Variants in TENM4 observed in about 807,000 individuals in gnomAD.
TENM4 encodes teneurin transmembrane protein 4.
Under a neutral mutation model 243.3 loss-of-function variants are expected in TENM4, and 82 were observed. That is an observed-to-expected ratio of 0.34 (90% confidence interval 0.28 to 0.40). TENM4 has a LOEUF of 0.40. Among genes scored for constraint, TENM4 ranks in the 10% least tolerant of loss-of-function variants. The probability of loss-of-function intolerance (pLI) is 1.00; values close to 1 mark genes in which losing one functional copy is unlikely to be tolerated. For missense variants in TENM4, 3,138 were observed against 3,673.3 expected (o/e 0.85, Z 3.77); for synonymous variants, 1,412 against 1,456.3 (o/e 0.97, Z 0.69).
intron 1 of TENM4, among the ~76,000 whole-genome samples, chr11:79,403,081 T>C (rs1303600322): frequency 6.6e-6 from 1 of 152,234 alleles, no homozygotes; most frequent in Admixed American, 6.5e-5. Context: ...GCAATCTATC[T>C]GCATTCACGA....
At chr11:79,091,839 C>G (rs1860961787) in intron 4 of TENM4, among the ~76,000 whole-genome samples, 1 of 152,206 alleles carries the variant, frequency 6.6e-6, no homozygotes, top group South Asian at 2.1e-4. Context: ...CTGTCATCTC[C>G]TGCATCCAAA....
chr11:79,080,460 G>C (rs1382489863), intron 4 of TENM4, among the ~76,000 whole-genome samples: 1 of 152,256 alleles, frequency 6.6e-6, no homozygotes, highest in East Asian at 1.9e-4. Context: ...CCTGGGCCGG[G>C]TCTGAAAAGC....
intron 2 of TENM4, among the ~76,000 whole-genome samples, chr11:79,281,854 G>A (rs1856162672): frequency 1.3e-5 from 2 of 152,186 alleles, no homozygotes; most frequent in Non-Finnish European, 2.9e-5. Context: ...GTCCTTTAAG[G>A]TCCGCCTTCT....
chr11:79,015,257 T>C (rs1310295906), intron 6 of TENM4, among the ~76,000 whole-genome samples: 2 of 152,178 alleles, frequency 1.3e-5, no homozygotes, highest in Admixed American at 1.3e-4. Flanking sequence ...AGAGCTGGGA[T>C]TGGAACCCAG....
intron 4 of TENM4, among the ~76,000 whole-genome samples, chr11:79,095,064 G>C (rs1206405296): frequency 6.6e-6 from 1 of 152,132 alleles, no homozygotes; most frequent in African/African-American, 2.4e-5. Context: ...ATCAGCCTGG[G>C]CATTTTTGGC....
chr11:79,023,595 A>T (rs112678077), intron 6 of TENM4, among the ~76,000 whole-genome samples: 1 of 151,478 alleles, frequency 6.6e-6, no homozygotes, highest in Admixed American at 6.6e-5. Flanking sequence ...GACTCTTTCT[A>T]CAACTAGTGT....
chr11:78,771,135 C>A lies in TENM4; in HGVS notation c.2396G>T (p.Gly799Val). The change falls in exon 18 of 34, where the codon GGT becomes GTT. Residue 799 changes from glycine (G) to valine (V), a missense_variant. Transcript: ENST00000278550. ...GTTGCCATTGCACAACCCAGGGCAA[C>A]CCTCTGAAAGACAAAGTACAGGGTT... is the stretch of plus-strand genomic sequence containing the variant. The part of the protein sequence containing the change: ...AHYLDRVVKE[G>V]CPGLCNGNGR... 6.4e-7 allele frequency: 1 copy of A among 1,566,780 alleles called. No individual in the cohort carries two copies. Among genetic ancestry groups the A allele is most frequent in the Non-Finnish European group, 8.7e-7 (1 of 1,155,598 alleles).
chr11:78,946,563 G>A (rs1176798820), intron 6 of TENM4, among the ~76,000 whole-genome samples: 1 of 152,118 alleles, frequency 6.6e-6, no homozygotes, highest in Non-Finnish European at 1.5e-5. Context: ...CTTTCAAATC[G>A]TATTGTTTAA....
At chr11:79,364,367 T>C (rs1590912142) in intron 1 of TENM4, among the ~76,000 whole-genome samples, 1 of 152,120 alleles carries the variant, frequency 6.6e-6, no homozygotes, top group Non-Finnish European at 1.5e-5. Flanking sequence ...CTGTAGTCTC[T>C]CTCTCCTCTT....
intron 6 of TENM4, among the ~76,000 whole-genome samples, chr11:79,027,405 T>C (rs1009386860): frequency 2.6e-5 from 4 of 152,220 alleles, no homozygotes; most frequent in Non-Finnish European, 5.9e-5. Flanking sequence ...AACTCTTCTG[T>C]GGCAGAGCCA....
In TENM4 at chr11:78,672,270, G is replaced by T. The variant is rs1282393021; in HGVS notation, c.5556C>A (p.Ile1852=). ...DFDRVTRTEK[I]YDDHRKFTLR... The stretch of plus-strand genomic sequence containing the variant: ...GGGTGAACTTGCGGTGGTCATCATA[G>T]ATCTTCTCTGTGCGTGTTACGCGAT... The change falls in exon 31 of 34, where the codon ATC becomes ATA. Residue 1852 remains isoleucine, a synonymous_variant. Transcript: ENST00000278550. 3 of 1,613,916 alleles carry T rather than the reference G, an allele frequency of 1.9e-6. No homozygotes were observed. The highest frequency in any genetic ancestry group is 1.7e-6 in the Non-Finnish European group (2 of 1,179,904).
chr11:78,710,384 G>A (rs962977706), intron 26 of TENM4, among the ~76,000 whole-genome samples: 1 of 152,152 alleles, frequency 6.6e-6, no homozygotes, highest in Non-Finnish European at 1.5e-5. Flanking sequence ...GATGCCCAGG[G>A]GCCTCTGAGT....
chr11:78,782,554 G>A (rs1174581401), intron 16 of TENM4, among the ~76,000 whole-genome samples: 1 of 152,122 alleles, frequency 6.6e-6, no homozygotes, highest in African/African-American at 2.4e-5. Flanking sequence ...CCGAGGTCGT[G>A]CCACTGCACT....
At chr11:78,926,500 C>T (rs556452083) in intron 6 of TENM4, among the ~76,000 whole-genome samples, 1 of 152,102 alleles carries the variant, frequency 6.6e-6, no homozygotes, top group African/African-American at 2.4e-5. Context: ...TTTCAAACTC[C>T]TGACCTCATG....
chr11:78,704,713 A>G (rs1162081450), intron 27 of TENM4, among the ~76,000 whole-genome samples: 1 of 152,222 alleles, frequency 6.6e-6, no homozygotes, highest in African/African-American at 2.4e-5. Context: ...AATGTTAACC[A>G]TAGTAAGATT....
intron 15 of TENM4, among the ~76,000 whole-genome samples, chr11:78,796,812 G>A (rs1857171146): frequency 6.6e-6 from 1 of 152,124 alleles, no homozygotes; most frequent in African/African-American, 2.4e-5. Flanking sequence ...CTTTGTATAT[G>A]TTGCAAATCT....
At chr11:78,726,973 G>C (rs1223006527) in intron 22 of TENM4, among the ~76,000 whole-genome samples, 1 of 152,148 alleles carries the variant, frequency 6.6e-6, no homozygotes, top group Non-Finnish European at 1.5e-5. Context: ...TTTAATATTG[G>C]AAACTTAGAT....
chr11:79,266,796 A>G (rs1416997562), intron 2 of TENM4, among the ~76,000 whole-genome samples: 2 of 152,232 alleles, frequency 1.3e-5, no homozygotes, highest in Non-Finnish European at 2.9e-5. Flanking sequence ...TGTCTAGAAG[A>G]GTAACCATAA....
intron 4 of TENM4, among the ~76,000 whole-genome samples, chr11:79,134,077 T>A (rs1048421462): frequency 6.6e-6 from 1 of 152,132 alleles, no homozygotes; most frequent in African/African-American, 2.4e-5. Flanking sequence ...GCTGAAGATA[T>A]GATTGTTTAC....
Sources: gnomAD v4.1 joint callset for allele counts (sites outside exome capture counted in the v4.1 genomes callset) on GRCh38, gnomAD v4.1.1 for gene constraint, MANE v1.5 for transcripts, NCBI Gene and HGNC (gene_info 2026-07-23, HGNC 2026-07-21) for gene names.